The following CUX2 variants were observed in gnomAD, a reference collection of about 807,000 sequenced individuals.
CUX2 encodes the protein cut like homeobox 2, also known as homeobox protein cut-like 2.
CUX2 carries 40 observed loss-of-function variants against 144.8 expected under a neutral mutation model. That is an observed-to-expected ratio of 0.28 (90% confidence interval 0.21 to 0.36). CUX2 has a LOEUF of 0.36. CUX2 is among the 10% of genes least tolerant of loss of function. CUX2 has a pLI of 1.00. For synonymous variants in CUX2, 827 were observed against 875.6 expected (o/e 0.94, Z 0.98); for missense variants, 1,615 against 1,994.0 (o/e 0.81, Z 3.62).
At chr12:111,069,692 C>T (rs762766380) in intron 1 of CUX2, among the ~76,000 whole-genome samples, 8 of 152,086 alleles carry the variant, frequency 5.3e-5, no homozygotes, top group Non-Finnish European at 1.2e-4. Context: ...CATGGTCATA[C>T]CCTGGGCATG....
intron 4 of CUX2, among the ~76,000 whole-genome samples, chr12:111,281,960 G>A (rs2136316032): frequency 6.6e-6 from 1 of 152,318 alleles, no homozygotes. Flanking sequence ...ACGGCTCTGA[G>A]AAAATCTTGG....
rs1293607939 is a variant in CUX2, at chr12:111,257,641, TTCCTCCTCCTTCC to T, written c.223-6110_223-6098del. On this transcript the variant is annotated intron_variant, in intron 3 of 21. Coordinates refer to ENST00000261726, the MANE Select transcript of CUX2 (RefSeq NM_015267.4). ...TCCTCCCTGCTCTTCCTCCTCCCTC[TTCCTCCTCCTTCC>T]TCCTCCTCCCTCTTCCCCCCTCTTC... 3.6e-3 allele frequency among the ~76,000 whole-genome samples: 428 copies of T among 120,346 alleles called. 2 individuals carry two copies. The highest frequency in any genetic ancestry group is 0.013 in the African/African-American group (389 of 30,930). The allele number at this position is 120,346 out of a possible 152,430, so 79.0% of individuals were successfully genotyped here. A position where few individuals can be genotyped will look rare whatever the true frequency, so the allele number is the denominator to read the frequency against.
chr12:111,159,734 A>G (rs2136149120), intron 1 of CUX2, among the ~76,000 whole-genome samples: 1 of 152,332 alleles, frequency 6.6e-6, no homozygotes, highest in Non-Finnish European at 1.5e-5. Flanking sequence ...ATTTAAAAAC[A>G]GAAAAGGAGG....
intron 1 of CUX2, among the ~76,000 whole-genome samples, chr12:111,079,290 G>A (rs550995275): frequency 1.3e-5 from 2 of 152,340 alleles, no homozygotes; most frequent in Admixed American, 1.3e-4. Context: ...TTTCTCCTCT[G>A]GTAGCCTCTG....
At chr12:111,128,273 T>A (rs2136105915) in intron 1 of CUX2, among the ~76,000 whole-genome samples, 1 of 152,316 alleles carries the variant, frequency 6.6e-6, no homozygotes, top group East Asian at 1.9e-4. Flanking sequence ...ACTGGGAAGA[T>A]TTCCCTTCAC....
intron 14 of CUX2, 48 bp from the exon 15 acceptor site, chr12:111,309,993 C>T (rs546030582): frequency 1.0e-5 from 13 of 1,272,582 alleles, no homozygotes; most frequent in Non-Finnish European, 1.2e-5. Flanking sequence ...CTCCCCTCAT[C>T]ATCGTCTTCC....
chr12:111,187,320 C>A (rs1264016254), intron 1 of CUX2, among the ~76,000 whole-genome samples: 2 of 152,170 alleles, frequency 1.3e-5, no homozygotes, highest in African/African-American at 4.8e-5. Context: ...ACCTGCTGTG[C>A]CCCCTCATAA....
At chr12:111,126,047 G>A (rs561319664) in intron 1 of CUX2, among the ~76,000 whole-genome samples, 6 of 148,634 alleles carry the variant, frequency 4.0e-5, no homozygotes, top group East Asian at 3.9e-4. Flanking sequence ...GGTGGCGTGG[G>A]GGGGGCGGAT....
intron 4 of CUX2, among the ~76,000 whole-genome samples, chr12:111,275,317 A>G (rs1884817987): frequency 6.6e-6 from 1 of 152,186 alleles, no homozygotes; most frequent in Admixed American, 6.5e-5. Flanking sequence ...TGTTGTATTT[A>G]AACACTTTAG....
At chr12:111,330,720 T>TATATATACATATAC (rs1565926229) in intron 18 of CUX2, among the ~76,000 whole-genome samples, 45 of 49,858 alleles carry the variant, frequency 9.0e-4, no homozygotes, top group Middle Eastern at 7.6e-3. Flanking sequence ...TATATATATA[T>TATATATACATATAC]ATATATATAT....
chr12:111,218,502 C>T (rs1017816528), intron 3 of CUX2, among the ~76,000 whole-genome samples: 3 of 152,018 alleles, frequency 2.0e-5, no homozygotes, highest in Non-Finnish European at 2.9e-5. Flanking sequence ...GGTGACAGAG[C>T]GAGACCCTGT....
intron 4 of CUX2, among the ~76,000 whole-genome samples, chr12:111,284,832 CAGTT>C (rs1216525899): frequency 6.6e-6 from 1 of 152,192 alleles, no homozygotes; most frequent in East Asian, 1.9e-4. Flanking sequence ...CTCATTGTCT[CAGTT>C]AGTGAGCAGA....
At chr12:111,105,921 G>A (rs912125522) in intron 1 of CUX2, among the ~76,000 whole-genome samples, 1 of 147,386 alleles carries the variant, frequency 6.8e-6, no homozygotes, top group African/African-American at 2.5e-5. Flanking sequence ...TTGGAGTGCA[G>A]TGCCATGATC....
At position 111,295,271 on chromosome 12, in the gene CUX2, T is replaced by A; in HGVS notation, c.561-62T>A. The A allele has an allele frequency of 6.5e-7, 1 of 1,533,086 alleles. No homozygotes were observed. The highest frequency in any genetic ancestry group is 8.9e-7 in the Non-Finnish European group (1 of 1,123,098). 95.0% of individuals were successfully genotyped at this position (1,533,086 alleles called of 1,614,324 possible). A position where few individuals can be genotyped will look rare whatever the true frequency, so the allele number is the denominator to read the frequency against. Reference sequence around the variant, plus strand: ...GGTAGGAAGCAAGATGGGGCTCGACTCGGGGGCCCCAGGCAAGGCCTGTCC... The same window carrying A: ...GGTAGGAAGCAAGATGGGGCTCGACACGGGGGCCCCAGGCAAGGCCTGTCC... On this transcript the variant is annotated intron_variant, in intron 6 of 21. Transcript: ENST00000261726. The surrounding 1 kb of genome is among the most constrained non-coding windows in gnomAD (Gnocchi z 5.0).
chr12:111,271,498 G>A (rs1884646514), intron 4 of CUX2, among the ~76,000 whole-genome samples: 1 of 152,260 alleles, frequency 6.6e-6, no homozygotes, highest in African/African-American at 2.4e-5. Context: ...CCCTTGTATA[G>A]CTGTATTGTA....
intron 1 of CUX2, among the ~76,000 whole-genome samples, chr12:111,123,485 T>A (rs1874825414): frequency 6.9e-6 from 1 of 144,042 alleles, no homozygotes; most frequent in Non-Finnish European, 1.5e-5. Context: ...CGCCCAGCCA[T>A]TACCAGGCAC....
chr12:111,091,484 C>G (rs958901109), intron 1 of CUX2, among the ~76,000 whole-genome samples: 2 of 152,136 alleles, frequency 1.3e-5, no homozygotes, highest in African/African-American at 4.8e-5. Flanking sequence ...ATTGGGCCAC[C>G]TCATCCCAGT....
At chr12:111,088,853 G>T (rs1046814230) in intron 1 of CUX2, among the ~76,000 whole-genome samples, 2 of 152,192 alleles carry the variant, frequency 1.3e-5, no homozygotes, top group African/African-American at 2.4e-5. Flanking sequence ...GGGCAGCTGG[G>T]TGCCATGGTA....
chr12:111,109,832 C>T (rs1873829672), intron 1 of CUX2, among the ~76,000 whole-genome samples: 1 of 152,132 alleles, frequency 6.6e-6, no homozygotes, highest in South Asian at 2.1e-4. Flanking sequence ...CCAACTTCTT[C>T]ATTTAGAAAG....
Sources: allele counts gnomAD v4.1 joint callset (sites outside exome capture counted in the v4.1 genomes callset), GRCh38; gene constraint gnomAD v4.1.1; non-coding constraint Gnocchi (gnomAD v3.1); transcripts MANE v1.5; gene names NCBI Gene and HGNC (gene_info 2026-07-23, HGNC 2026-07-21).